UFL1: variants seen among roughly 807,000 people sequenced by gnomAD.
UFL1 encodes E3 UFM1-protein ligase 1.
Under a neutral mutation model 99.3 loss-of-function variants are expected in UFL1, and 78 were observed. That is an observed-to-expected ratio of 0.79 (90% CI 0.65 to 0.95). The LOEUF is 0.95. Among genes scored for constraint, UFL1 ranks in the 40% least tolerant of loss-of-function variants. UFL1 has a pLI of 0.00. For synonymous variants in UFL1, 335 were observed against 322.2 expected (o/e 1.04, Z -0.42); for missense variants, 936 against 937.0 (o/e 1.00, Z 0.01).
intron 11 of UFL1, 105 bp from the exon 12 acceptor site, chr6:96,542,789 C>T: frequency 8.5e-7 from 1 of 1,174,470 alleles, no homozygotes; most frequent in Non-Finnish European, 1.1e-6. Context: ...TTTATTTTGC[C>T]TTTATTTTTT....
Position 96,523,192 on chromosome 6 carries a change from C to T in UFL1, c.124C>T (p.Gln42Ter). Reference protein sequence around the residue: ...CIEIVNKLIAQKQLEVVHTLD... With the variant: ...CIEIVNKLIA ...TGAGATTGTTAATAAATTGATTGCTCAGAAACAGCTAGAAGTAGTTCATAC... is the reference window on the plus strand; with the variant it reads ...TGAGATTGTTAATAAATTGATTGCTTAGAAACAGCTAGAAGTAGTTCATAC... Residue 42 changes from glutamine (Q) to a stop codon, truncating the protein, a stop_gained, in exon 2 of 19, where the codon CAG (glutamine) becomes TAG (stop). Coordinates refer to ENST00000369278, the MANE Select transcript of UFL1 (RefSeq NM_015323.5). LOFTEE classifies it high-confidence loss of function. 1 of 1,612,632 alleles carries T rather than the reference C, an allele frequency of 6.2e-7. No homozygotes were observed. The highest frequency in any genetic ancestry group is 8.5e-7 in the Non-Finnish European group (1 of 1,179,340).
intron 1 of UFL1, 98 bp downstream of exon 1, chr6:96,522,048 C>T: frequency 7.7e-7 from 1 of 1,292,998 alleles, no homozygotes; most frequent in South Asian, 1.3e-5. Context: ...CATCCCGGGT[C>T]TTCTCGCTGC....
Position 96,521,946 on chromosome 6 carries a change from C to G in UFL1, c.73C>G (p.Gln25Glu). The change falls in exon 1 of 19, where the codon CAG becomes GAG. Residue 25 changes from glutamine (Q) to glutamate (E), a missense_variant. Physicochemically the swap from Gln to Glu is conservative, Grantham distance 29 (BLOSUM62 2). Coordinates refer to ENST00000369278, the MANE Select transcript of UFL1 (RefSeq NM_015323.5). Reference sequence around the variant, plus strand: ...GCGGGCGCAGTTCGCCGAGGCCACGCAGAGGTGCCCGACCCTCCCTCTCCT... The same window carrying G: ...GCGGGCGCAGTTCGCCGAGGCCACGGAGAGGTGCCCGACCCTCCCTCTCCT... Reference protein sequence around the residue: ...FQRAQFAEATQRLSERNCIEI... With the variant: ...FQRAQFAEATERLSERNCIEI... The G allele has an allele frequency of 1.2e-6, 2 of 1,611,666 alleles. No individual in the cohort carries two copies. Among genetic ancestry groups the G allele is most frequent in the Non-Finnish European group, 1.7e-6 (2 of 1,179,182 alleles).
intron 7 of UFL1, 144 bp downstream of exon 7, chr6:96,534,465 G>T: frequency 1.7e-6 from 1 of 605,620 alleles, no homozygotes; most frequent in South Asian, 2.9e-5. Context: ...TTTGTATCAA[G>T]TTTTATATAT....
intron 6 of UFL1, among the ~76,000 whole-genome samples, chr6:96,531,624 G>C (rs1377558915): frequency 1.3e-5 from 2 of 152,302 alleles, no homozygotes; most frequent in South Asian, 4.1e-4. Flanking sequence ...GGTAGGAATG[G>C]AGAGGGATTC....
At chr6:96,535,631 G>T (rs1259281647) in intron 7 of UFL1, among the ~76,000 whole-genome samples, 1 of 151,934 alleles carries the variant, frequency 6.6e-6, no homozygotes, top group Non-Finnish European at 1.5e-5. Context: ...GTGTTTCATA[G>T]CTAGTAGGTG....
At chr6:96,534,103 C>G (rs1012693111) in intron 6 of UFL1, among the ~76,000 whole-genome samples, 160 bp from the exon 7 acceptor site, 1 of 151,892 alleles carries the variant, frequency 6.6e-6, no homozygotes, top group Non-Finnish European at 1.5e-5. Context: ...ATTTCAGTAG[C>G]AAAATTCCAA....
chr6:96,523,837 T>C (rs1769661998), intron 2 of UFL1, among the ~76,000 whole-genome samples: 1 of 152,202 alleles, frequency 6.6e-6, no homozygotes, highest in Non-Finnish European at 1.5e-5. Flanking sequence ...TTGAATACTA[T>C]TTGATTAAAA....
chr6:96,528,337 T>C (rs1443471478), intron 5 of UFL1, among the ~76,000 whole-genome samples, 165 bp from the exon 6 acceptor site: 1 of 152,240 alleles, frequency 6.6e-6, no homozygotes, highest in Non-Finnish European at 1.5e-5. Flanking sequence ...TGCTAGACAC[T>C]GAATCTTCAC....
At chr6:96,552,308 T>G (rs1242915213) in intron 17 of UFL1, among the ~76,000 whole-genome samples, 174 bp from the exon 18 acceptor site, 1 of 152,092 alleles carries the variant, frequency 6.6e-6, no homozygotes, top group Admixed American at 6.6e-5. Flanking sequence ...CACACTAATC[T>G]ATCCATGCCA....
At position 96,528,504 on chromosome 6, in the gene UFL1, A is replaced by G; in HGVS notation, c.468A>G (p.Ala156=). Residue 156 remains alanine, a splice_region_variant and synonymous_variant, in exon 6 of 19, where the codon GCA becomes GCG. Coordinates refer to ENST00000369278, the MANE Select transcript of UFL1 (RefSeq NM_015323.5). ...YDLPGNFLTQ[A]LTQRLGRIIS... is the part of the protein sequence containing the mutation. ...AAAATGTACATCTTTACCCACAGGC[A>G]CTAACTCAGCGACTTGGTAGAATTA... 1.2e-6 allele frequency: 2 copies of G among 1,612,610 alleles called. No individual in the cohort carries two copies. Among genetic ancestry groups the G allele is most frequent in the African/African-American group, 2.7e-5 (2 of 74,968 alleles).
At chr6:96,548,512 G>A (rs1341747734) in intron 13 of UFL1, among the ~76,000 whole-genome samples, 4 of 151,584 alleles carry the variant, frequency 2.6e-5, no homozygotes, top group Middle Eastern at 3.2e-3. Flanking sequence ...AGGCAGGAGC[G>A]AGAAAGTGTC....
intron 6 of UFL1, among the ~76,000 whole-genome samples, chr6:96,530,792 A>G (rs368811286): frequency 7.2e-4 from 110 of 152,232 alleles, no homozygotes; most frequent in East Asian, 1.5e-3. Context: ...GCTTTCTTTT[A>G]GCAGAGTATG....
intron 15 of UFL1, among the ~76,000 whole-genome samples, chr6:96,550,822 G>A (rs1442519130): frequency 6.6e-6 from 1 of 152,004 alleles, no homozygotes; most frequent in Non-Finnish European, 1.5e-5. Context: ...GGGGCAGAGA[G>A]GCTAGACAGG....
intron 2 of UFL1, among the ~76,000 whole-genome samples, chr6:96,523,524 T>C (rs1173128623): frequency 2.0e-5 from 3 of 152,220 alleles, no homozygotes; most frequent in Admixed American, 6.5e-5. Flanking sequence ...TTTTGAGTTA[T>C]GTGTACTATA....
At chr6:96,534,164 C>T in intron 6 of UFL1, 99 bp from the exon 7 acceptor site, 1 of 741,836 alleles carries the variant, frequency 1.3e-6, no homozygotes, top group Non-Finnish European at 1.9e-6. Flanking sequence ...TTCTTTTAAA[C>T]AGTATTTTTC....
chr6:96,537,417 C>G lies in UFL1; in HGVS notation c.846C>G (p.Ser282Arg). ...LSRLGIPDAV[S>R]YIKKRYKTTQ... The stretch of plus-strand genomic sequence containing the variant: ...GACTTGGAATCCCAGATGCTGTAAG[C>G]TACATAAAGAAAAGATATAAGACTA... The change falls in exon 9 of 19, where the codon AGC (serine) becomes AGG (arginine). Residue 282 changes from serine (S) to arginine (R), a missense_variant. Coordinates refer to ENST00000369278, the MANE Select transcript of UFL1 (RefSeq NM_015323.5). 1 of 1,600,408 alleles carries G rather than the reference C, an allele frequency of 6.2e-7. No homozygotes were observed. Among genetic ancestry groups the G allele is most frequent in the East Asian group, 2.3e-5 (1 of 44,158 alleles).
intron 12 of UFL1, among the ~76,000 whole-genome samples, chr6:96,544,291 A>G (rs78226793): frequency 0.025 from 3,765 of 150,926 alleles, 54 homozygotes; most frequent in Non-Finnish European, 0.03. Context: ...TACAAGAGAC[A>G]TCTTTTGTTT....
chr6:96,552,284 C>A (rs903738965), intron 17 of UFL1, among the ~76,000 whole-genome samples, 198 bp from the exon 18 acceptor site: 11 of 152,058 alleles, frequency 7.2e-5, no homozygotes, highest in Non-Finnish European at 1.3e-4. Flanking sequence ...ATAGCTTTTT[C>A]TTTAATTTTG....
Sources: allele counts gnomAD v4.1 joint callset (sites outside exome capture counted in the v4.1 genomes callset), GRCh38; gene constraint gnomAD v4.1.1; transcripts MANE v1.5; gene names NCBI Gene and HGNC (gene_info 2026-07-23, HGNC 2026-07-21).